MEGF6: variants seen among roughly 807,000 people sequenced by gnomAD.
The protein encoded by MEGF6 is multiple EGF like domains 6, also known as multiple epidermal growth factor-like domains protein 6.
A neutral mutation model predicts 207.1 loss-of-function variants in MEGF6; 184 were observed. That is an observed-to-expected ratio of 0.89 (90% CI 0.79 to 1.00). MEGF6 has a LOEUF of 1.00. Among genes scored for constraint, MEGF6 ranks in the 50% least tolerant of loss-of-function variants. MEGF6 has a pLI of 0.00. For missense variants in MEGF6, 2,282 were observed against 2,202.9 expected (o/e 1.04, Z -0.72); for synonymous variants, 1,038 against 910.0 (o/e 1.14, Z -2.53).
rs1453509237 is a variant in MEGF6, at chr1:3,497,444, G to A, written c.3353-83C>T. On this transcript the variant is annotated intron_variant, in intron 26 of 36. Coordinates refer to ENST00000356575, the MANE Select transcript of MEGF6 (RefSeq NM_001409.4). ...CCAGGACAGGCCGGGAGCAGGTGCT[G>A]TGGGTACGACCCACCCAATGCTGGC... 10 of 1,421,796 alleles carry A rather than the reference G, an allele frequency of 7.0e-6. No individual in the cohort carries two copies. The South Asian group carries it at 8.7e-5, about 12-fold the overall frequency. The allele number at this position is 1,421,796 out of a possible 1,614,324, so 88.1% of individuals were successfully genotyped here.
At chr1:3,599,171 A>AG (rs1169005973) in intron 2 of MEGF6, among the ~76,000 whole-genome samples, 1 of 152,136 alleles carries the variant, frequency 6.6e-6, no homozygotes, top group African/African-American at 2.4e-5. Flanking sequence ...CAGCCTGGGG[A>AG]GGGGGCTCAT....
chr1:3,552,303 G>C (rs1359599849), intron 4 of MEGF6, among the ~76,000 whole-genome samples: 1 of 152,246 alleles, frequency 6.6e-6, no homozygotes, highest in African/African-American at 2.4e-5. Flanking sequence ...GCGAGGGCAG[G>C]TGTCCAGGCC....
chr1:3,526,259 C>T (rs1056977397), intron 4 of MEGF6, among the ~76,000 whole-genome samples: 6 of 152,194 alleles, frequency 3.9e-5, no homozygotes, highest in Non-Finnish European at 2.9e-5. Flanking sequence ...AGAGACCACA[C>T]GGGCCACATG....
chr1:3,507,267 A>C (rs2101010903), intron 14 of MEGF6, among the ~76,000 whole-genome samples: 1 of 152,366 alleles, frequency 6.6e-6, no homozygotes, highest in Middle Eastern at 3.4e-3. Flanking sequence ...CCATCGAAAG[A>C]GGCAGAAATG....
At chr1:3,622,333 C>T in the MEGF6 span, among the ~76,000 whole-genome samples, 1 of 152,162 alleles carries the variant, frequency 6.6e-6, no homozygotes. Flanking sequence ...CTACCCCCGC[C>T]GCCATGTAAG....
chr1:3,580,777 G>A (rs1335579556), intron 3 of MEGF6, among the ~76,000 whole-genome samples: 2 of 152,138 alleles, frequency 1.3e-5, no homozygotes, highest in Non-Finnish European at 2.9e-5. Flanking sequence ...TGGGTGGGCT[G>A]CACCTCACCC....
intron 36 of MEGF6, 126 bp from the exon 37 acceptor site, chr1:3,490,715 G>A (rs1418556298): frequency 4.4e-5 from 51 of 1,164,196 alleles, no homozygotes; most frequent in Non-Finnish European, 2.1e-5. Context: ...CAGGTGGGTG[G>A]GGCCCACCCA....
chr1:3,611,280 G>A lies in MEGF6; in HGVS notation c.-12C>T, dbSNP rs1381838803. ...TCAAGGAACGACATCGTGCGCGCCG[G>A]TGCCTCCTCCGCTCTCCGGCTCACA... is the stretch of plus-strand genomic sequence containing the variant. On this transcript the variant is annotated 5_prime_UTR_variant, in exon 1 of 37. Transcript: ENST00000356575. 2 of 1,455,344 alleles carry A rather than the reference G, an allele frequency of 1.4e-6. No homozygotes were observed. The highest frequency in any genetic ancestry group is 1.8e-6 in the Non-Finnish European group (2 of 1,111,372). The allele number at this position is 1,455,344 out of a possible 1,614,324, so 90.2% of individuals were successfully genotyped here. A position where few individuals can be genotyped will look rare whatever the true frequency, so the allele number is the denominator to read the frequency against.
Position 3,541,850 on chromosome 1 carries a change from T to C in MEGF6, c.482-17604A>G, listed in dbSNP as rs1239988672. Among the ~76,000 whole-genome samples, 3 of 151,956 alleles carry C rather than the reference T, an allele frequency of 2.0e-5. No individual in the cohort carries two copies. In the East Asian group the frequency reaches 5.8e-4, roughly 29 times the overall value. ...GCACCGTGGGGGGAGTCTCTGGTGG[T>C]CCCTGCTACCCTGAGCTCACCCCCT... On this transcript the variant is annotated intron_variant, in intron 4 of 36. Transcript: ENST00000356575.
intron 17 of MEGF6, among the ~76,000 whole-genome samples, chr1:3,503,462 G>T (rs1640983541): frequency 6.6e-6 from 1 of 152,190 alleles, no homozygotes. Context: ...GAAAAGAGGG[G>T]AAGGGGCAGA....
chr1:3,515,367 C>A, intron 6 of MEGF6, 35 bp downstream of exon 6: 4 of 1,590,944 alleles, frequency 2.5e-6, no homozygotes, highest in Non-Finnish European at 3.4e-6. Flanking sequence ...CTGCCTCCAC[C>A]CCCAGGTCCT....
chr1:3,552,501 A>G (rs968645406), intron 4 of MEGF6, among the ~76,000 whole-genome samples: 2 of 152,262 alleles, frequency 1.3e-5, no homozygotes, highest in African/African-American at 2.4e-5. Context: ...CTTTGAGACC[A>G]GCCTGGGCAA....
chr1:3,521,575 C>T (rs932881737), intron 5 of MEGF6, among the ~76,000 whole-genome samples: 2 of 152,182 alleles, frequency 1.3e-5, no homozygotes, highest in African/African-American at 4.8e-5. Flanking sequence ...CGGTGAGGCA[C>T]CCCTCAAACA....
At chr1:3,608,401 G>A (rs1028235965) in intron 1 of MEGF6, among the ~76,000 whole-genome samples, 1 of 152,158 alleles carries the variant, frequency 6.6e-6, no homozygotes, top group Non-Finnish European at 1.5e-5. Context: ...TACACCCTGG[G>A]GTCGGGGAGC....
rs548897061 is a variant in MEGF6 at position 3,507,017 on chromosome 1, C to T, written c.1789+778G>A. Among the ~76,000 whole-genome samples, 4 of 152,280 alleles carry T rather than the reference C, an allele frequency of 2.6e-5. No homozygotes were observed. The South Asian group carries it at 8.3e-4, about 32-fold the overall frequency. ...GCACCCAGGAATGAATACGGGGGTT[C>T]CCCAGCACCCTGTAGAATAGAAAGG... On this transcript the variant is annotated intron_variant, in intron 14 of 36. Coordinates refer to ENST00000356575, the MANE Select transcript of MEGF6 (RefSeq NM_001409.4).
intron 5 of MEGF6, among the ~76,000 whole-genome samples, chr1:3,523,055 G>A (rs912613857): frequency 1.1e-4 from 16 of 149,384 alleles, no homozygotes; most frequent in East Asian, 5.9e-4. Flanking sequence ...CATGGTGGCC[G>A]GGACATGTGA....
chr1:3,557,458 A>G (rs1358419064), intron 4 of MEGF6, among the ~76,000 whole-genome samples: 2 of 152,154 alleles, frequency 1.3e-5, no homozygotes, highest in African/African-American at 4.8e-5. Flanking sequence ...GGTCTTGAGG[A>G]GGAGCCACTG....
At chr1:3,500,022 G>C in intron 21 of MEGF6, 98 bp from the exon 22 acceptor site, 1 of 1,422,738 alleles carries the variant, frequency 7.0e-7, no homozygotes, top group African/African-American at 1.4e-5. Flanking sequence ...TGTGGGACAG[G>C]CCTGGCTCAT....
At position 3,501,287 on chromosome 1, in the gene MEGF6, C is replaced by A; in HGVS notation, c.2336G>T (p.Gly779Val). ...TGGGCAGATCTCCTGGCAGCCCAGC[C>A]CCCAGCGGCCCTCGGGACAATCTAG... ...CEADCPEGRW[G>V]LGCQEICPAC... The change falls in exon 19 of 37, where the codon GGG (glycine) becomes GTG (valine). Residue 779 changes from glycine (G) to valine (V), a missense_variant. Transcript: ENST00000356575. 1 of 1,602,388 alleles carries A rather than the reference C, an allele frequency of 6.2e-7. No individual in the cohort carries two copies. The highest frequency in any genetic ancestry group is 8.5e-7 in the Non-Finnish European group (1 of 1,175,234).
Sources: gnomAD v4.1 joint callset for allele counts (sites outside exome capture counted in the v4.1 genomes callset) on GRCh38, gnomAD v4.1.1 for gene constraint, MANE v1.5 for transcripts, NCBI Gene and HGNC (gene_info 2026-07-23, HGNC 2026-07-21) for gene names.